SNW1: variants seen among roughly 807,000 people sequenced by gnomAD.
SNW1 encodes the protein SNW domain containing 1.
Under a neutral mutation model 75.6 loss-of-function variants are expected in SNW1, and 9 were observed. The observed-to-expected ratio is 0.12, with a 90% confidence interval of 0.07 to 0.21. SNW1 has a LOEUF of 0.21. SNW1 is among the 10% of genes least tolerant of loss of function. The probability of loss-of-function intolerance (pLI) is 1.00; values close to 1 mark genes in which losing one functional copy is unlikely to be tolerated. For missense variants in SNW1, 409 were observed against 670.9 expected, an observed-to-expected ratio of 0.61 and a Z score of 4.31; for synonymous variants, 200 against 219.1, an observed-to-expected ratio of 0.91 and a Z score of 0.77.
chr14:77,737,310 C>T (rs1418426744), intron 5 of SNW1, among the ~76,000 whole-genome samples: 1 of 152,030 alleles, frequency 6.6e-6, no homozygotes, highest in Non-Finnish European at 1.5e-5. Flanking sequence ...AACCCATCCT[C>T]ATATGTTTTC....
At chr14:77,743,121 A>G (rs2080731900) in intron 3 of SNW1, among the ~76,000 whole-genome samples, 1 of 151,908 alleles carries the variant, frequency 6.6e-6, no homozygotes, top group Non-Finnish European at 1.5e-5. Context: ...GCTACTCAGG[A>G]GGCTGAGGCA....
intron 3 of SNW1, among the ~76,000 whole-genome samples, chr14:77,747,833 T>G (rs1398150651): frequency 6.9e-6 from 1 of 145,902 alleles, no homozygotes; most frequent in African/African-American, 2.6e-5. Flanking sequence ...ATCCGGGAGG[T>G]GGGGGGCGCC....
In SNW1 at chr14:77,759,963, T is replaced by C. The variant is rs141664446; in HGVS notation, c.14+1151A>G. Reference sequence around the variant, plus strand: ...CGAGACCGCATCTCAAAAAATAAAGTTAAAAAAAAAAGCAAAAAAATTTTA... The same window carrying C: ...CGAGACCGCATCTCAAAAAATAAAGCTAAAAAAAAAAGCAAAAAAATTTTA... On this transcript the variant is annotated intron_variant, in intron 1 of 13. Coordinates refer to ENST00000261531, the MANE Select transcript of SNW1 (RefSeq NM_012245.3). 1.8e-4 allele frequency among the ~76,000 whole-genome samples: 27 copies of C among 151,530 alleles called. 1 individual carries two copies. The East Asian group carries it at 5.2e-3, about 29-fold the overall frequency.
chr14:77,760,329 T>G (rs543662758), intron 1 of SNW1, among the ~76,000 whole-genome samples: 4 of 152,320 alleles, frequency 2.6e-5, no homozygotes, highest in African/African-American at 9.6e-5. Flanking sequence ...ACTTTATCTA[T>G]AACCTTCCTG....
intron 12 of SNW1, 112 bp from the exon 13 acceptor site, chr14:77,718,642 A>G (rs1257589799): frequency 3.1e-6 from 2 of 637,066 alleles, no homozygotes; most frequent in Non-Finnish European, 5.3e-6. Flanking sequence ...ATTTTCAACA[A>G]TCTGAACTGC....
At chr14:77,760,958 T>C (rs2080885865) in intron 1 of SNW1, 156 bp downstream of exon 1, 3 of 1,553,398 alleles carry the variant, frequency 1.9e-6, no homozygotes, top group Non-Finnish European at 2.7e-6. Context: ...CTAGGCCTAG[T>C]CGTAGCGGCG....
chr14:77,718,509 C>T lies in SNW1; in HGVS notation c.1270G>A (p.Gly424Ser). ...QSKGMDSGFAGGEDEIYNVYD... is the reference protein window; with the variant it reads ...QSKGMDSGFASGEDEIYNVYD... ...ACATTATAAATTTCATCTTCTCCACCTGCAAATCCACTGTCCATACCCTGT... is the reference window on the plus strand; with the variant it reads ...ACATTATAAATTTCATCTTCTCCACTTGCAAATCCACTGTCCATACCCTGT... Residue 424 changes from glycine to serine, a missense_variant, in exon 13 of 14, where the codon GGT (glycine) becomes AGT (serine). Physicochemically the swap from Gly to Ser is moderately conservative, Grantham distance 56. This residue lies in a region of SNW1 where 126 missense variants were observed against 167.6 expected (regional missense o/e 0.75). Coordinates refer to ENST00000261531, the MANE Select transcript of SNW1 (RefSeq NM_012245.3). 1 of 1,612,054 alleles carries T rather than the reference C, an allele frequency of 6.2e-7. No individual in the cohort carries two copies. The highest frequency in any genetic ancestry group is 2.2e-5 in the East Asian group (1 of 44,824).
At chr14:77,724,580 G>C (rs972331112) in intron 10 of SNW1, among the ~76,000 whole-genome samples, 1 of 152,126 alleles carries the variant, frequency 6.6e-6, no homozygotes, top group African/African-American at 2.4e-5. Flanking sequence ...AACTTTTTTA[G>C]CTCCCACATA....
At chr14:77,732,625 C>T in intron 8 of SNW1, 24 bp from the exon 9 acceptor site, 2 of 1,286,804 alleles carry the variant, frequency 1.6e-6, no homozygotes, top group South Asian at 1.2e-5. Context: ...AGACAGAAAA[C>T]CCAGTCACAG....
intron 5 of SNW1, 36 bp from the exon 6 acceptor site, chr14:77,737,111 G>A: frequency 6.9e-7 from 1 of 1,457,412 alleles, no homozygotes; most frequent in Non-Finnish European, 9.6e-7. Flanking sequence ...GGTGTAATTA[G>A]TTCAAGCTTT....
intron 3 of SNW1, among the ~76,000 whole-genome samples, chr14:77,740,906 G>C (rs1328750212): frequency 6.6e-6 from 1 of 151,666 alleles, no homozygotes; most frequent in Admixed American, 6.6e-5. Flanking sequence ...AGACCAGCCT[G>C]ACCAACATGG....
chr14:77,760,833 G>C, intron 1 of SNW1: 1 of 734,424 alleles, frequency 1.4e-6, no homozygotes, highest in Non-Finnish European at 2.4e-6. Context: ...TCCGCTCCCC[G>C]CAAGATGCTC....
chr14:77,758,190 C>T (rs1195477028), intron 1 of SNW1, among the ~76,000 whole-genome samples: 1 of 151,572 alleles, frequency 6.6e-6, no homozygotes, highest in African/African-American at 2.4e-5. Flanking sequence ...ATTAGCCGGG[C>T]GTGGTGGCGG....
At chr14:77,760,684 C>A in intron 1 of SNW1, 1 of 702,336 alleles carries the variant, frequency 1.4e-6, no homozygotes, top group East Asian at 2.7e-5. Flanking sequence ...CAGTGGACAG[C>A]GAAAGGAGAG....
At chr14:77,727,171 A>G (rs2080592468) in intron 10 of SNW1, among the ~76,000 whole-genome samples, 1 of 152,028 alleles carries the variant, frequency 6.6e-6, no homozygotes, top group Non-Finnish European at 1.5e-5. Context: ...CTTGTGACTC[A>G]GCGTCCTGAG....
At chr14:77,758,669 T>C (rs2080861675) in intron 1 of SNW1, among the ~76,000 whole-genome samples, 2 of 152,248 alleles carry the variant, frequency 1.3e-5, no homozygotes, top group South Asian at 4.1e-4. Context: ...CTAATTAGAA[T>C]TCTGTCCCAC....
At chr14:77,755,211 AC>A (rs1190959608) in intron 1 of SNW1, 91 bp from the exon 2 acceptor site, 1 of 1,148,798 alleles carries the variant, frequency 8.7e-7, no homozygotes, top group Non-Finnish European at 1.2e-6. Context: ...AATTTTTCCT[AC>A]GATGCTTTTA....
chr14:77,722,862 T>G (rs4903634), intron 11 of SNW1: 1 of 401,392 alleles, frequency 2.5e-6, no homozygotes, highest in Non-Finnish European at 4.7e-6. Flanking sequence ...TTTTTTTTTG[T>G]GAGATGGAGT....
chr14:77,745,888 G>A (rs1357483398), intron 3 of SNW1, among the ~76,000 whole-genome samples: 1 of 152,086 alleles, frequency 6.6e-6, no homozygotes, highest in Non-Finnish European at 1.5e-5. Context: ...GCCGGGCATG[G>A]TGGTGTGCAC....
Sources: gnomAD v4.1 joint callset for allele counts (sites outside exome capture counted in the v4.1 genomes callset) on GRCh38, gnomAD v4.1.1 for gene constraint, gnomAD v4.1.1 regional missense constraint, MANE v1.5 for transcripts, NCBI Gene and HGNC (gene_info 2026-07-23, HGNC 2026-07-21) for gene names.